Variants in MAF observed in about 807,000 individuals in gnomAD.
The protein encoded by MAF is transcription factor Maf.
MAF carries 10 observed loss-of-function variants against 22.0 expected under a neutral mutation model. The ratio of observed to expected loss-of-function variants is 0.45; its 90% CI spans 0.28 to 0.77. The LOEUF (loss-of-function observed/expected upper bound fraction) is 0.77. MAF is among the 30% of genes least tolerant of loss of function. MAF has a pLI of 0.12. For synonymous variants in MAF, 337 were observed against 255.8 expected (o/e 1.32, Z -3.03); for missense variants, 544 against 548.4 (o/e 0.99, Z 0.08).
At chr16:79,505,074 C>A in the MAF span, among the ~76,000 whole-genome samples, 1 of 152,162 alleles carries the variant, frequency 6.6e-6, no homozygotes, top group African/African-American at 2.4e-5. Flanking sequence ...GCCTTGTCTT[C>A]AGCTACGTTT....
At chr16:79,478,572 G>C in the MAF span, among the ~76,000 whole-genome samples, 2 of 152,224 alleles carry the variant, frequency 1.3e-5, no homozygotes, top group South Asian at 4.1e-4. Flanking sequence ...ATAGGATCTT[G>C]TACCATCCCA....
At chr16:79,523,237 T>C in the MAF span, among the ~76,000 whole-genome samples, 4 of 152,204 alleles carry the variant, frequency 2.6e-5, no homozygotes, top group Admixed American at 6.5e-5. Context: ...ATGATTGTTC[T>C]AACAGGAATT....
chr16:79,422,888 G>C, the MAF span, among the ~76,000 whole-genome samples: 8 of 152,258 alleles, frequency 5.3e-5, no homozygotes, highest in African/African-American at 1.9e-4. Flanking sequence ...CTGTCATGGA[G>C]AGACAGATAC....
chr16:79,439,973 CCACAGGCGCTT>C, the MAF span, among the ~76,000 whole-genome samples: 1 of 152,182 alleles, frequency 6.6e-6, no homozygotes, highest in African/African-American at 2.4e-5. Context: ...GGTCTTCTGG[CCACAGGCGCTT>C]CACTGAGGTC....
chr16:79,270,117 G>C, the MAF span, among the ~76,000 whole-genome samples: 1 of 151,874 alleles, frequency 6.6e-6, no homozygotes. Flanking sequence ...AGGAGGTGAA[G>C]GGCCTAGAAG....
At chr16:79,535,172 A>T in the MAF span, among the ~76,000 whole-genome samples, 1 of 152,058 alleles carries the variant, frequency 6.6e-6, no homozygotes, top group African/African-American at 2.4e-5. Context: ...TAACTGACAG[A>T]GGTTTACTTC....
chr16:79,303,113 G>A, the MAF span, among the ~76,000 whole-genome samples: 1 of 152,220 alleles, frequency 6.6e-6, no homozygotes, highest in African/African-American at 2.4e-5. Flanking sequence ...ATGTGTGTGT[G>A]TTGGGAGAGA....
the MAF span, among the ~76,000 whole-genome samples, chr16:79,490,128 A>G: frequency 5.3e-5 from 8 of 152,220 alleles, no homozygotes; most frequent in Non-Finnish European, 1.2e-4. Context: ...AAAAGCAGAT[A>G]GAGTGAAAAG....
chr16:79,329,085 T>G, the MAF span, among the ~76,000 whole-genome samples: 4 of 152,108 alleles, frequency 2.6e-5, no homozygotes, highest in Admixed American at 2.6e-4. Flanking sequence ...GTGATTTTTT[T>G]TTTTTTAACC....
the MAF span, among the ~76,000 whole-genome samples, chr16:79,411,802 C>T: frequency 2.6e-5 from 4 of 152,250 alleles, no homozygotes; most frequent in Non-Finnish European, 4.4e-5. Flanking sequence ...AGCTATTCCT[C>T]TTCCAGATCT....
At chr16:79,243,228 C>G in the MAF span, among the ~76,000 whole-genome samples, 1 of 151,614 alleles carries the variant, frequency 6.6e-6, no homozygotes, top group African/African-American at 2.4e-5. Context: ...GATAGAGACA[C>G]AAAAAACCCT....
the MAF span, among the ~76,000 whole-genome samples, chr16:79,371,038 G>C: frequency 2.0e-5 from 3 of 152,158 alleles, no homozygotes; most frequent in Non-Finnish European, 2.9e-5. Flanking sequence ...CAGCTGGCTG[G>C]TTTTCTTGCT....
At chr16:79,543,702 TC>T in the MAF span, among the ~76,000 whole-genome samples, 1 of 149,940 alleles carries the variant, frequency 6.7e-6, no homozygotes, top group Non-Finnish European at 1.5e-5. Flanking sequence ...TTTTTTTTTT[TC>T]TGAGACGGAG....
the MAF span, among the ~76,000 whole-genome samples, chr16:79,548,357 T>C: frequency 2.6e-5 from 4 of 152,196 alleles, no homozygotes; most frequent in African/African-American, 9.7e-5. Context: ...GGAATCAGCA[T>C]AAACAAACCA....
the MAF span, among the ~76,000 whole-genome samples, chr16:79,492,272 C>T: frequency 0.41 from 62,044 of 151,880 alleles, 16,635 homozygotes; most frequent in African/African-American, 0.77. Context: ...GTGAGGTGAG[C>T]GACGCATTCA....
the MAF span, among the ~76,000 whole-genome samples, chr16:79,406,629 C>T: frequency 6.6e-6 from 1 of 152,262 alleles, no homozygotes; most frequent in Non-Finnish European, 1.5e-5. Context: ...CTCCAAATAC[C>T]ATCACATTGG....
At chr16:79,260,912 C>G in the MAF span, among the ~76,000 whole-genome samples, 1 of 151,926 alleles carries the variant, frequency 6.6e-6, no homozygotes, top group African/African-American at 2.4e-5. Context: ...AATAGCACAC[C>G]CAAGACAGAT....
At chr16:79,360,866 G>A in the MAF span, among the ~76,000 whole-genome samples, 2 of 152,158 alleles carry the variant, frequency 1.3e-5, no homozygotes, top group Admixed American at 6.5e-5. Flanking sequence ...AACTGGAGTT[G>A]CTCCTGCCAT....
At chr16:79,425,041 C>T in the MAF span, among the ~76,000 whole-genome samples, 1 of 152,090 alleles carries the variant, frequency 6.6e-6, no homozygotes. Context: ...TTTACTAGCA[C>T]ACAAACATAC....
Sources: allele counts gnomAD v4.1 joint callset (sites outside exome capture counted in the v4.1 genomes callset), GRCh38; gene constraint gnomAD v4.1.1; transcripts MANE v1.5; gene names NCBI Gene and HGNC (gene_info 2026-07-23, HGNC 2026-07-21).